INPP5F: variants seen among roughly 807,000 people sequenced by gnomAD.
INPP5F encodes phosphatidylinositide 4-phosphatase SAC2.
INPP5F carries 97 observed loss-of-function variants against 137.2 expected under a neutral mutation model. The observed-to-expected ratio is 0.71, with a 90% CI of 0.60 to 0.84. The LOEUF is 0.84. Ranked by LOEUF, INPP5F falls within the 40% of genes least tolerant of loss-of-function variation. The pLI is 0.00. For missense variants in INPP5F, 1,271 were observed against 1,371.9 expected (o/e 0.93, Z 1.16); for synonymous variants, 504 against 476.9 (o/e 1.06, Z -0.74).
At position 119,791,998 on chromosome 10, in the gene INPP5F, A is replaced by G; in HGVS notation, c.574A>G (p.Ser192Gly). ...YDLTNSVQRQ[S>G]TGERDGRPLW... ...CCTGACCAATTCCGTGCAGAGGCAG[A>G]GCACTGGGGAGAGGGACGGTCGGCC... Residue 192 changes from serine (S) to glycine (G), a missense_variant, in exon 5 of 20, where the codon AGC (serine) becomes GGC (glycine). By Grantham distance (56) the Ser-to-Gly change is moderately conservative (BLOSUM62 0). Transcript: ENST00000650623. 6.2e-7 allele frequency: 1 copy of G among 1,614,262 alleles called. No homozygotes were observed. The highest frequency in any genetic ancestry group is 8.5e-7 in the Non-Finnish European group (1 of 1,180,046).
intron 1 of INPP5F, among the ~76,000 whole-genome samples, chr10:119,731,551 C>A (rs745420184): frequency 6.6e-6 from 1 of 152,052 alleles, no homozygotes; most frequent in African/African-American, 2.4e-5. Flanking sequence ...ATAATCCCAA[C>A]TACTCGGGAG....
intron 2 of INPP5F, among the ~76,000 whole-genome samples, chr10:119,765,694 T>C (rs61867892): frequency 0.041 from 6,220 of 150,926 alleles, 236 homozygotes; most frequent in South Asian, 0.22. Flanking sequence ...AAGTTGCATG[T>C]GCATGGGGAG....
chr10:119,730,492 C>G (rs1848025446), intron 1 of INPP5F, among the ~76,000 whole-genome samples: 1 of 152,196 alleles, frequency 6.6e-6, no homozygotes, highest in Non-Finnish European at 1.5e-5. Flanking sequence ...TCTAATATCT[C>G]AGGATAAGAA....
At position 119,828,941 on chromosome 10, in the gene INPP5F, A is replaced by G. The variant is rs962731679; in HGVS notation, c.*1161A>G. ...GGGCTGCCCCTGTAATCCCCACAGT[A>G]AGAAAGTTGTATGGCATATTCCAAC... On this transcript the variant is annotated 3_prime_UTR_variant, in exon 20 of 20. Transcript: ENST00000650623. 3.9e-5 allele frequency: 6 copies of G among 152,646 alleles called. No homozygotes were observed. The highest frequency in any genetic ancestry group is 2.6e-4 in the Admixed American group (4 of 15,282). The allele number at this position is 152,646 out of a possible 1,614,324, so 9.5% of individuals were successfully genotyped here.
intron 4 of INPP5F, 45 bp downstream of exon 4, chr10:119,791,690 T>G (rs1489934964): frequency 6.6e-7 from 1 of 1,512,438 alleles, no homozygotes; most frequent in Non-Finnish European, 9.0e-7. Flanking sequence ...CTTTGATTAG[T>G]TTTAAATAGA....
At chr10:119,763,800 C>T (rs1849076569) in intron 2 of INPP5F, among the ~76,000 whole-genome samples, 1 of 152,218 alleles carries the variant, frequency 6.6e-6, no homozygotes, top group Non-Finnish European at 1.5e-5. Flanking sequence ...TTACTATAAT[C>T]AGGCAGGAGG....
chr10:119,768,839 A>G (rs1849254996), intron 2 of INPP5F, among the ~76,000 whole-genome samples: 1 of 152,250 alleles, frequency 6.6e-6, no homozygotes, highest in South Asian at 2.1e-4. Context: ...ATAAACTGGA[A>G]AGTGTCCAAA....
At chr10:119,770,156 C>G (rs902274131) in intron 2 of INPP5F, among the ~76,000 whole-genome samples, 1 of 152,104 alleles carries the variant, frequency 6.6e-6, no homozygotes, top group Non-Finnish European at 1.5e-5. Flanking sequence ...CTGGGGAAGT[C>G]AGGTTTCCTT....
At chr10:119,788,911 C>T (rs1420930236) in intron 3 of INPP5F, among the ~76,000 whole-genome samples, 3 of 152,168 alleles carry the variant, frequency 2.0e-5, no homozygotes, top group African/African-American at 7.2e-5. Flanking sequence ...GAAATTTTTG[C>T]TGGCTTGAGT....
At chr10:119,811,991 T>G in intron 15 of INPP5F, 36 bp downstream of exon 15, 1 of 1,546,738 alleles carries the variant, frequency 6.5e-7, no homozygotes, top group East Asian at 2.2e-5. Context: ...CCAGCTTGCT[T>G]AACTGATGTT....
At chr10:119,791,378 A>T in intron 3 of INPP5F, 139 bp from the exon 4 acceptor site, 1 of 687,316 alleles carries the variant, frequency 1.5e-6, no homozygotes, top group Non-Finnish European at 2.5e-6. Context: ...GCTTGCCATC[A>T]ATTGTCTACT....
chr10:119,809,268 T>C (rs1850929741), intron 13 of INPP5F, among the ~76,000 whole-genome samples: 1 of 151,828 alleles, frequency 6.6e-6, no homozygotes, highest in African/African-American at 2.4e-5. Flanking sequence ...AGTTAGTGAT[T>C]AAAGAGAAAT....
At chr10:119,797,320 T>C (rs1850420905) in intron 7 of INPP5F, 141 bp from the exon 8 acceptor site, 2 of 667,204 alleles carry the variant, frequency 3.0e-6, no homozygotes, top group Admixed American at 5.8e-5. Context: ...TTTGGGTAAG[T>C]TGATACTGTT....
chr10:119,775,959 TC>T (rs1849510226), intron 2 of INPP5F, among the ~76,000 whole-genome samples: 1 of 152,192 alleles, frequency 6.6e-6, no homozygotes, highest in Admixed American at 6.5e-5. Context: ...TAGTAGATGT[TC>T]AGTAAACATT....
intron 1 of INPP5F, among the ~76,000 whole-genome samples, chr10:119,741,136 C>T (rs1013906728): frequency 4.6e-5 from 7 of 152,198 alleles, no homozygotes; most frequent in African/African-American, 1.7e-4. Context: ...CAAATGCAGA[C>T]TACATCTATA....
At chr10:119,750,612 A>G (rs1848664199) in intron 1 of INPP5F, among the ~76,000 whole-genome samples, 1 of 152,352 alleles carries the variant, frequency 6.6e-6, no homozygotes, top group South Asian at 2.1e-4. Flanking sequence ...GTCAGATAAA[A>G]GAGCAGTTGC....
chr10:119,812,471 T>C (rs1289338777), intron 15 of INPP5F, among the ~76,000 whole-genome samples: 1 of 152,146 alleles, frequency 6.6e-6, no homozygotes. Context: ...GATTGAATGC[T>C]TGCCTTTAGG....
intron 1 of INPP5F, among the ~76,000 whole-genome samples, chr10:119,740,561 G>A (rs1399180861): frequency 6.7e-6 from 1 of 149,980 alleles, no homozygotes; most frequent in Admixed American, 6.6e-5. Context: ...CTTTTTTTTT[G>A]AGACGGAGTT....
chr10:119,791,441 T>G (rs1257272550), intron 3 of INPP5F, 76 bp from the exon 4 acceptor site: 4 of 1,123,230 alleles, frequency 3.6e-6, no homozygotes, highest in Non-Finnish European at 5.2e-6. Context: ...GCCTGAGCAG[T>G]AGCATTCACT....
Sources: allele counts gnomAD v4.1 joint callset (sites outside exome capture counted in the v4.1 genomes callset), GRCh38; gene constraint gnomAD v4.1.1; transcripts MANE v1.5; gene names NCBI Gene and HGNC (gene_info 2026-07-23, HGNC 2026-07-21).